MALRD1: variants seen among roughly 807,000 people sequenced by gnomAD.
The protein encoded by MALRD1 is MAM and LDL receptor class A domain containing 1, also known as MAM and LDL-receptor class A domain-containing protein 1.
Under a neutral mutation model 242.1 loss-of-function variants are expected in MALRD1, and 247 were observed. The ratio of observed to expected loss-of-function variants is 1.02; its 90% CI spans 0.92 to 1.13. The LOEUF is 1.13. Among genes scored for constraint, MALRD1 ranks in the 50% most tolerant of loss-of-function variants. The pLI, the probability that MALRD1 is intolerant of heterozygous loss-of-function variation, is 0.00. For missense variants in MALRD1, 2,989 were observed against 2,533.1 expected (o/e 1.18, Z -3.86); for synonymous variants, 995 against 866.6 (o/e 1.15, Z -2.60).
intron 28 of MALRD1, among the ~76,000 whole-genome samples, chr10:19,396,004 G>A (rs918899149): frequency 5.9e-5 from 9 of 151,926 alleles, no homozygotes; most frequent in Non-Finnish European, 8.8e-5. Context: ...GCATATAGTC[G>A]GCTCTAAAGA....
intron 28 of MALRD1, among the ~76,000 whole-genome samples, chr10:19,416,350 G>C (rs919680235): frequency 6.6e-6 from 1 of 152,150 alleles, no homozygotes; most frequent in Non-Finnish European, 1.5e-5. Context: ...TTCAATGTGG[G>C]AAGGGACTAC....
At position 19,543,078 on chromosome 10, in the gene MALRD1, A is replaced by G. The variant is rs540546904; in HGVS notation, c.5478+11727A>G. Among the ~76,000 whole-genome samples the G allele has an allele frequency of 2.6e-5, 4 of 152,256 alleles. No homozygotes were observed. In the East Asian group the frequency reaches 7.7e-4, roughly 29 times the overall value. ...GGAACTTTTATCTGAGCCCTGCAAGAGTACTATTAATTATTACATCCAGGG... is the reference window on the plus strand; with the variant it reads ...GGAACTTTTATCTGAGCCCTGCAAGGGTACTATTAATTATTACATCCAGGG... On this transcript the variant is annotated intron_variant, in intron 32 of 39. Transcript: ENST00000454679.
chr10:19,238,480 ACAT>A (rs1225199216), intron 18 of MALRD1, among the ~76,000 whole-genome samples: 777 of 30,178 alleles, frequency 0.026, 76 homozygotes, highest in African/African-American at 0.15. Flanking sequence ...TATATAATAT[ACAT>A]TATATATAAT....
intron 2 of MALRD1, among the ~76,000 whole-genome samples, chr10:19,072,198 C>G (rs1835171003): frequency 6.6e-6 from 1 of 152,122 alleles, no homozygotes; most frequent in Non-Finnish European, 1.5e-5. Flanking sequence ...TGAGAAATTT[C>G]CATCGAACAA....
At chr10:19,162,208 A>G (rs1834460820) in intron 12 of MALRD1, among the ~76,000 whole-genome samples, 1 of 152,240 alleles carries the variant, frequency 6.6e-6, no homozygotes, top group Non-Finnish European at 1.5e-5. Flanking sequence ...CTCTTCCTCC[A>G]AAAGACTCAA....
chr10:19,708,961 C>T lies in MALRD1; in HGVS notation c.6314+16407C>T, dbSNP rs1406622378. On this transcript the variant is annotated intron_variant, in intron 38 of 39. Coordinates refer to ENST00000454679, the MANE Select transcript of MALRD1 (RefSeq NM_001142308.3). ...TACAGGCATGAGCCACCACATCTGG[C>T]GGGCCACATTTATTTTGAAATGGAA... 1.2e-4 allele frequency among the ~76,000 whole-genome samples: 14 copies of T among 121,664 alleles called. 3 individuals carry two copies. The highest frequency in any genetic ancestry group is 2.4e-4 in the Non-Finnish European group (13 of 53,162). The allele number at this position is 121,664 out of a possible 152,430, so 79.8% of individuals were successfully genotyped here.
At position 19,491,305 on chromosome 10, in the gene MALRD1, A is replaced by G. The variant is rs112567547; in HGVS notation, c.5030-212A>G. The G allele has an allele frequency of 1.3e-4, 96 of 712,998 alleles. 2 individuals carry two copies. The highest frequency in any genetic ancestry group is 7.7e-4 in the African/African-American group (43 of 55,910). The allele number at this position is 712,998 out of a possible 1,614,324, so 44.2% of individuals were successfully genotyped here. A position where few individuals can be genotyped will look rare whatever the true frequency, so the allele number is the denominator to read the frequency against. ...GAGATTTTCAGCACCATCAAAGTGC[A>G]TAAAAGATATTTCAGAAGTAGAGTC... is the stretch of plus-strand genomic sequence containing the variant. On this transcript the variant is annotated intron_variant, in intron 29 of 39. Transcript: ENST00000454679.
chr10:19,155,567 G>A (rs1374043513), intron 12 of MALRD1, among the ~76,000 whole-genome samples: 1 of 152,134 alleles, frequency 6.6e-6, no homozygotes, highest in Non-Finnish European at 1.5e-5. Context: ...TTTTTTAAAT[G>A]AGTCCTCTGG....
intron 32 of MALRD1, among the ~76,000 whole-genome samples, chr10:19,553,590 T>C (rs556870875): frequency 6.6e-6 from 1 of 152,314 alleles, no homozygotes; most frequent in African/African-American, 2.4e-5. Flanking sequence ...CAGAAACTGA[T>C]GAATAAAATC....
chr10:19,500,983 T>C (rs73595820), intron 31 of MALRD1, among the ~76,000 whole-genome samples: 5,831 of 152,116 alleles, frequency 0.038, 224 homozygotes, highest in African/African-American at 0.098. Context: ...AGATGGCTTA[T>C]TAGAAGTTAA....
rs1386980280 is a variant in MALRD1 at position 19,311,663 on chromosome 10, A to C, written c.3420-12286A>C. On this transcript the variant is annotated intron_variant, in intron 21 of 39. Transcript: ENST00000454679. ...TGTCAATATAATCAACACTGTTTCAAAGCTCAGGGTAGAAATGAAATGCAA... is the reference window on the plus strand; with the variant it reads ...TGTCAATATAATCAACACTGTTTCACAGCTCAGGGTAGAAATGAAATGCAA... Among the ~76,000 whole-genome samples, 3 of 151,610 alleles carry C rather than the reference A, an allele frequency of 2.0e-5. No individual in the cohort carries two copies. The East Asian group carries it at 5.8e-4, about 30-fold the overall frequency.
chr10:19,384,454 T>G (rs569418097), intron 26 of MALRD1, among the ~76,000 whole-genome samples: 2 of 116,828 alleles, frequency 1.7e-5, no homozygotes, highest in Admixed American at 2.3e-4. Context: ...ATAGTATATA[T>G]AATATAATAT....
chr10:19,446,172 A>G (rs568571743), intron 28 of MALRD1, among the ~76,000 whole-genome samples: 75 of 90,562 alleles, frequency 8.3e-4, no homozygotes, highest in Admixed American at 1.0e-3. Flanking sequence ...CTGATTTTCC[A>G]TGTACCGTCT....
chr10:19,140,431 A>G (rs1424461127), intron 10 of MALRD1, among the ~76,000 whole-genome samples: 1 of 152,160 alleles, frequency 6.6e-6, no homozygotes, highest in Non-Finnish European at 1.5e-5. Context: ...GGCAGTTAAG[A>G]TTAAAATATA....
chr10:19,156,065 T>C (rs773407687), intron 12 of MALRD1, among the ~76,000 whole-genome samples: 1 of 152,200 alleles, frequency 6.6e-6, no homozygotes, highest in Non-Finnish European at 1.5e-5. Flanking sequence ...TCTTTACTTA[T>C]CAGAAAATAA....
In MALRD1 at chr10:19,554,496, G is replaced by A. The variant is rs749008718; in HGVS notation, c.5479-13006G>A. On this transcript the variant is annotated intron_variant, in intron 32 of 39. Coordinates refer to ENST00000454679, the MANE Select transcript of MALRD1 (RefSeq NM_001142308.3). ...CTGCACCTATCAACCTATAACCTAA[G>A]TATCAAGCCCAGCATGCATTAGCCA... 1.3e-3 allele frequency among the ~76,000 whole-genome samples: 204 copies of A among 152,170 alleles called. 2 individuals are homozygous for A. The highest frequency in any genetic ancestry group is 2.1e-3 in the Non-Finnish European group (141 of 68,008).
At chr10:19,704,983 CA>C (rs1439864622) in intron 38 of MALRD1, among the ~76,000 whole-genome samples, 1 of 151,960 alleles carries the variant, frequency 6.6e-6, no homozygotes. Flanking sequence ...CCTGTCTCTA[CA>C]AAAAAAGAAA....
At chr10:19,649,399 G>C (rs2131700967) in intron 36 of MALRD1, among the ~76,000 whole-genome samples, 1 of 152,284 alleles carries the variant, frequency 6.6e-6, no homozygotes, top group African/African-American at 2.4e-5. Flanking sequence ...ACCAGCATCT[G>C]TTATTTTTTG....
At chr10:19,539,908 GTGCGCGCA>G (rs139946156) in intron 32 of MALRD1, among the ~76,000 whole-genome samples, 1,058 of 24,206 alleles carry the variant, frequency 0.044, 28 homozygotes, top group African/African-American at 0.12. Context: ...GCGCGCGCGC[GTGCGCGCA>G]CACACGCGCA....
Sources: allele counts gnomAD v4.1 joint callset (sites outside exome capture counted in the v4.1 genomes callset), GRCh38; gene constraint gnomAD v4.1.1; transcripts MANE v1.5; gene names NCBI Gene and HGNC (gene_info 2026-07-23, HGNC 2026-07-21).